Variants in ATXN8OS observed in about 807,000 individuals in gnomAD.
The protein encoded by ATXN8OS is ATXN8 opposite strand lncRNA.
At chr13:70,122,101 A>G (rs1019548646) in intron 2 of ATXN8OS, among the ~76,000 whole-genome samples, 9 of 152,074 alleles carry the variant, frequency 5.9e-5, no homozygotes, top group Non-Finnish European at 1.2e-4. Context: ...GCACAAATTG[A>G]GGAAAGATGT....
intron 1 of ATXN8OS, among the ~76,000 whole-genome samples, chr13:70,111,103 A>G (rs555191356): frequency 6.6e-6 from 1 of 152,352 alleles, no homozygotes; most frequent in East Asian, 1.9e-4. Context: ...GTTAATCGGG[A>G]TACAGAAAAT....
At chr13:70,166,584 C>T (rs556485866) in intron 4 of ATXN8OS, among the ~76,000 whole-genome samples, 2 of 152,056 alleles carry the variant, frequency 1.3e-5, no homozygotes, top group Non-Finnish European at 2.9e-5. Context: ...GTAGGCAATA[C>T]CATTCAGGAC....
chr13:70,127,189 C>A (rs552958908), intron 2 of ATXN8OS, among the ~76,000 whole-genome samples: 3 of 151,806 alleles, frequency 2.0e-5, no homozygotes, highest in South Asian at 2.1e-4. Context: ...TCACTTAATT[C>A]TTTCTATTAT....
chr13:70,123,584 C>T (rs549892874), intron 2 of ATXN8OS, among the ~76,000 whole-genome samples: 5 of 152,098 alleles, frequency 3.3e-5, no homozygotes, highest in African/African-American at 1.2e-4. Context: ...TCTGAAAATA[C>T]TACTGATAGG....
chr13:70,163,906 C>T (rs1158253066), intron 4 of ATXN8OS, among the ~76,000 whole-genome samples: 1 of 150,222 alleles, frequency 6.7e-6, no homozygotes, highest in African/African-American at 2.4e-5. Context: ...TAATGTTTTG[C>T]CTGATAGAAT....
At chr13:70,148,244 T>A (rs61964574) in intron 4 of ATXN8OS, among the ~76,000 whole-genome samples, 8,509 of 152,156 alleles carry the variant, frequency 0.056, 449 homozygotes, top group East Asian at 0.28. Flanking sequence ...GTATAAAATT[T>A]CCCCACAAAA....
At chr13:70,158,672 T>C (rs1305512289) in intron 4 of ATXN8OS, among the ~76,000 whole-genome samples, 1 of 152,200 alleles carries the variant, frequency 6.6e-6, no homozygotes, top group Non-Finnish European at 1.5e-5. Context: ...CAGTTTAGCA[T>C]GAAAGAAGCC....
chr13:70,118,797 T>C (rs1485177455), intron 2 of ATXN8OS, among the ~76,000 whole-genome samples: 1 of 151,760 alleles, frequency 6.6e-6, no homozygotes, highest in South Asian at 2.1e-4. Flanking sequence ...TACCAGAAGA[T>C]TCATTTATTA....
rs1207211365 is a variant in ATXN8OS, at chr13:70,153,679, T to C, written n.573+6251T>C. 4.6e-5 allele frequency among the ~76,000 whole-genome samples: 7 copies of C among 152,290 alleles called. No homozygotes were observed. In the East Asian group the frequency reaches 1.4e-3, roughly 29 times the overall value. On this transcript the variant is annotated intron_variant and non_coding_transcript_variant, in intron 4 of 4. Transcript: ENST00000678624. ...CTCTTCTTTATTGTTGTTGGTTTTC[T>C]TTTTTGTTTGTTTTTCTTCACACAG... is the stretch of plus-strand genomic sequence containing the variant.
rs1333582255 is a variant in ATXN8OS, at chr13:70,134,789, A to G, written n.499+4905A>G. On this transcript the variant is annotated intron_variant and non_coding_transcript_variant, in intron 3 of 4. Transcript: ENST00000678624. ...GCAACTGGCTTACATGTACCAGAAT[A>G]GAAGGACTGCAATCTGTCCCCTATG... 2.6e-5 allele frequency among the ~76,000 whole-genome samples: 4 copies of G among 152,308 alleles called. No homozygotes were observed. In the East Asian group the frequency reaches 7.7e-4, roughly 29 times the overall value.
At chr13:70,139,383 A>ACTACTACTACTACTGCTGCTC in intron 3 of ATXN8OS, 1 of 455,722 alleles carries the variant, frequency 2.2e-6, no homozygotes, top group South Asian at 3.3e-5. Context: ...TACTACTACT[A>ACTACTACTACTACTGCTGCTC]CTGCTGCTGC....
At position 70,168,260 on chromosome 13, in the gene ATXN8OS, G is replaced by A. The variant is rs367834062; in HGVS notation, n.574-1493G>A. 3.3e-5 allele frequency among the ~76,000 whole-genome samples: 5 copies of A among 151,932 alleles called. 1 individual carries two copies. The highest frequency in any genetic ancestry group is 1.2e-4 in the African/African-American group (5 of 41,442). ...CTCTTAATGTTTCTACATTTTTATG[G>A]GGTACATGTCTAATTTTATTACATG... is the stretch of plus-strand genomic sequence containing the variant. On this transcript the variant is annotated intron_variant and non_coding_transcript_variant, in intron 4 of 4. Transcript: ENST00000678624.
chr13:70,113,628 A>C (rs1888232315), intron 1 of ATXN8OS, among the ~76,000 whole-genome samples: 1 of 152,162 alleles, frequency 6.6e-6, no homozygotes, highest in African/African-American at 2.4e-5. Context: ...TAGGAGTGTA[A>C]GATATTCATA....
intron 4 of ATXN8OS, among the ~76,000 whole-genome samples, chr13:70,164,049 T>TTTATTCTTATTC (rs57975969): frequency 2.8e-5 from 4 of 140,504 alleles, no homozygotes; most frequent in African/African-American, 1.1e-4. Flanking sequence ...GCTGGAAGTT[T>TTTATTCTTATTC]TTATTCTTAT....
At chr13:70,149,227 G>C (rs570943716) in intron 4 of ATXN8OS, among the ~76,000 whole-genome samples, 1 of 152,178 alleles carries the variant, frequency 6.6e-6, no homozygotes, top group South Asian at 2.1e-4. Context: ...AGTGTTAGAT[G>C]TAAGTCATTT....
intron 4 of ATXN8OS, among the ~76,000 whole-genome samples, chr13:70,165,672 A>G (rs1166187612): frequency 6.6e-6 from 1 of 152,040 alleles, no homozygotes; most frequent in East Asian, 1.9e-4. Flanking sequence ...ATTAAGGTCT[A>G]TCCATAGCAG....
intron 4 of ATXN8OS, among the ~76,000 whole-genome samples, chr13:70,159,179 TTCTCTC>T (rs146118015): frequency 7.5e-5 from 2 of 26,586 alleles, no homozygotes. Context: ...ACCACTTCCA[TTCTCTC>T]TCTCTCTCTC....
chr13:70,110,736 A>C (rs937635246), intron 1 of ATXN8OS, among the ~76,000 whole-genome samples: 2 of 152,100 alleles, frequency 1.3e-5, no homozygotes, highest in Non-Finnish European at 2.9e-5. Flanking sequence ...AAAAATAAAA[A>C]ACTTTGATTG....
At chr13:70,130,683 A>G in intron 3 of ATXN8OS, 1 of 398,474 alleles carries the variant, frequency 2.5e-6, no homozygotes, top group Non-Finnish European at 4.4e-6. Context: ...TTCAGATTCA[A>G]ACTTCAGAGA....
Sources: gnomAD v4.1 joint callset for allele counts (sites outside exome capture counted in the v4.1 genomes callset) on GRCh38, gnomAD v4.1.1 for gene constraint, MANE v1.5 for transcripts, NCBI Gene and HGNC (gene_info 2026-07-23, HGNC 2026-07-21) for gene names.